Variants in PARVG observed in about 807,000 individuals in gnomAD.
PARVG encodes parvin gamma, also known as gamma-parvin.
In PARVG, 36 loss-of-function variants were observed where a neutral mutation model predicts 44.4. The ratio of observed to expected loss-of-function variants is 0.81; its 90% CI spans 0.62 to 1.07. The LOEUF is 1.07. Ranked by LOEUF, PARVG falls within the 50% of genes least tolerant of loss-of-function variation. The pLI, the probability that PARVG is intolerant of heterozygous loss-of-function variation, is 0.00. For missense variants in PARVG, 407 were observed against 407.4 expected (o/e 1.00, Z 0.01); for synonymous variants, 170 against 174.1 (o/e 0.98, Z 0.19).
chr22:44,175,183 A>C (rs746618525), intron 1 of PARVG, among the ~76,000 whole-genome samples: 2 of 152,208 alleles, frequency 1.3e-5, no homozygotes, highest in African/African-American at 2.4e-5. Flanking sequence ...TGTGAGCTGC[A>C]TGTCCCCAGA....
chr22:44,205,074 T>C (rs139182), intron 12 of PARVG, among the ~76,000 whole-genome samples: 34,957 of 152,048 alleles, frequency 0.23, 4,056 homozygotes, highest in Admixed American at 0.25. Context: ...ACTGGGGGAC[T>C]TGACTGATGC....
intron 8 of PARVG, among the ~76,000 whole-genome samples, chr22:44,192,905 A>G (rs2054569339): frequency 6.6e-6 from 1 of 152,210 alleles, no homozygotes; most frequent in Non-Finnish European, 1.5e-5. Context: ...CAGGCTGCCA[A>G]CAGGTCCACC....
intron 8 of PARVG, among the ~76,000 whole-genome samples, chr22:44,192,781 T>C (rs989620805): frequency 6.6e-6 from 1 of 150,534 alleles, no homozygotes; most frequent in African/African-American, 2.4e-5. Flanking sequence ...GCCATACTGT[T>C]CCCCACCCAC....
intron 5 of PARVG, chr22:44,188,610 T>A (rs1462873136): frequency 6.1e-6 from 1 of 163,938 alleles, no homozygotes; most frequent in Admixed American, 5.6e-5. Context: ...CAGTTCATCC[T>A]CAGAATAGCC....
upstream of PARVG, among the ~76,000 whole-genome samples, chr22:44,179,923 G>C (rs567303829): frequency 6.6e-6 from 1 of 152,194 alleles, no homozygotes; most frequent in African/African-American, 2.4e-5. This position sits in a 1 kb window ranked among gnomAD's most constrained non-coding sequence, Gnocchi z 4.2. Flanking sequence ...GGAAGCTGCC[G>C]AGTCAGGCTG....
At chr22:44,195,675 C>T (rs1438713318) in intron 9 of PARVG, among the ~76,000 whole-genome samples, 1 of 152,188 alleles carries the variant, frequency 6.6e-6, no homozygotes, top group Non-Finnish European at 1.5e-5. Flanking sequence ...CCTCACTCAG[C>T]CAATTTAAAA....
chr22:44,192,923 G>A (rs1038739466), intron 8 of PARVG, among the ~76,000 whole-genome samples: 2 of 152,214 alleles, frequency 1.3e-5, no homozygotes, highest in East Asian at 1.9e-4. Context: ...ACCGTTGCTG[G>A]CTTCTGTGTG....
intron 11 of PARVG, 86 bp downstream of exon 11, chr22:44,196,501 G>C (rs1371033184): frequency 1.3e-6 from 2 of 1,504,540 alleles, no homozygotes; most frequent in East Asian, 4.5e-5. Context: ...CTGGGAACCT[G>C]CTGTGTGGTG....
intron 11 of PARVG, 107 bp downstream of exon 11, chr22:44,196,522 C>G (rs2054620068): frequency 7.3e-7 from 1 of 1,369,808 alleles, no homozygotes; most frequent in South Asian, 1.2e-5. Flanking sequence ...GGGGTTGCAT[C>G]ACCTCTTGGA....
intron 4 of PARVG, chr22:44,186,097 A>C: frequency 2.6e-6 from 1 of 386,026 alleles, no homozygotes; most frequent in Non-Finnish European, 5.0e-6. Context: ...CACATACACC[A>C]TCCCAGCAAC....
chr22:44,187,406 T>C (rs1364337515), intron 4 of PARVG: 1 of 300,762 alleles, frequency 3.3e-6, no homozygotes, highest in African/African-American at 2.1e-5. Flanking sequence ...TGACCACCTC[T>C]TCAGGGCAAT....
At chr22:44,180,127 G>C (rs757394723), upstream of PARVG, among the ~76,000 whole-genome samples, 1 of 152,148 alleles carries the variant, frequency 6.6e-6, no homozygotes, top group Admixed American at 6.5e-5. Context: ...CTCCAGCTGT[G>C]CCCTTCTGCT....
In PARVG at chr22:44,189,209, C is replaced by A. The variant is rs149519388; in HGVS notation, c.343C>A (p.Arg115=). Residue 115 remains arginine, a synonymous_variant, in exon 6 of 14, where the codon CGG becomes AGG. Transcript: ENST00000444313. ...CACAGTGGTGCTGGAGGCCGTGAAC[C>A]GGAGTCTGCAGCTGGAGGAGTGGCA... The part of the protein sequence containing the change: ...KLTVVLEAVN[R]SLQLEEWQAK... 5.6e-6 allele frequency: 9 copies of A among 1,614,214 alleles called. No homozygotes were observed. Among genetic ancestry groups the A allele is most frequent in the Non-Finnish European group, 5.9e-6 (7 of 1,180,046 alleles).
chr22:44,200,418 T>C (rs2054690933), intron 12 of PARVG, among the ~76,000 whole-genome samples: 2 of 152,098 alleles, frequency 1.3e-5, no homozygotes, highest in South Asian at 4.1e-4. Context: ...ACACAGGTAG[T>C]AAGAAAGAGT....
At chr22:44,203,953 T>C (rs546019980) in intron 12 of PARVG, among the ~76,000 whole-genome samples, 395 of 152,326 alleles carry the variant, frequency 2.6e-3, no homozygotes, top group African/African-American at 9.2e-3. Flanking sequence ...CAAGCAATTC[T>C]CCTGCCTCAG....
chr22:44,198,701 TCCCAA>T lies in PARVG; in HGVS notation c.794_798del (p.Pro265LeufsTer29). The T allele has an allele frequency of 6.2e-7, 1 of 1,612,400 alleles. No homozygotes were observed. On this transcript the variant is annotated frameshift_variant, in exon 12 of 14. Transcript: ENST00000444313. LOFTEE classifies it high-confidence loss of function. ...TGCACTTAAAGGAATTCTACCTCAC[TCCCAA>T]CTCTCCTGCAGAAATGGTAAGTTTT...
At chr22:44,189,313 CT>C in intron 6 of PARVG, 59 bp downstream of exon 6, 1 of 1,583,502 alleles carries the variant, frequency 6.3e-7, no homozygotes, top group African/African-American at 1.3e-5. Context: ...GGTCCTTCTG[CT>C]TCAGGCTTCT....
rs1035358368 is a variant in PARVG at position 44,205,832 on chromosome 22, G to T, written c.886+3G>T. 20 of 1,612,830 alleles carry T rather than the reference G, an allele frequency of 1.2e-5. No individual in the cohort carries two copies. In the African/African-American group the frequency reaches 2.1e-4, roughly 17 times the overall value. ...CAGCTGCCCTGTCAGCCCTGAAGGT[G>T]AGTGCAAGGCAGATGCCCACACGGT... is the stretch of plus-strand genomic sequence containing the variant. On this transcript the variant is annotated splice_donor_region_variant and intron_variant, in intron 13 of 13. Coordinates refer to ENST00000444313, the MANE Select transcript of PARVG (RefSeq NM_022141.7).
intron 1 of PARVG, chr22:44,181,484 T>C: frequency 1.2e-6 from 1 of 824,614 alleles, no homozygotes; most frequent in Non-Finnish European, 1.5e-6. Flanking sequence ...GACAGGGTGC[T>C]GGTGGTGGGT....
Sources: gnomAD v4.1 joint callset for allele counts (sites outside exome capture counted in the v4.1 genomes callset) on GRCh38, gnomAD v4.1.1 for gene constraint, Gnocchi (gnomAD v3.1) non-coding constraint, MANE v1.5 for transcripts, NCBI Gene and HGNC (gene_info 2026-07-23, HGNC 2026-07-21) for gene names.